Variants in CEP95 observed in about 807,000 individuals in gnomAD.
CEP95 encodes centrosomal protein of 95 kDa.
CEP95 carries 98 observed loss-of-function variants against 111.2 expected under a neutral mutation model. The observed-to-expected ratio is 0.88, with a 90% confidence interval of 0.75 to 1.04. The LOEUF is 1.04. Among genes scored for constraint, CEP95 ranks in the 50% least tolerant of loss-of-function variants. CEP95 has a pLI of 0.00. For missense variants in CEP95, 1,027 were observed against 977.2 expected (o/e 1.05, Z -0.68); for synonymous variants, 323 against 327.1 (o/e 0.99, Z 0.14).
chr17:64,511,072 G>T (rs1181414574), intron 3 of CEP95, among the ~76,000 whole-genome samples: 1 of 152,148 alleles, frequency 6.6e-6, no homozygotes, highest in African/African-American at 2.4e-5. Flanking sequence ...ATACGAATAG[G>T]TTGTGGGTCA....
chr17:64,530,555 C>G (rs1291575754), intron 12 of CEP95, among the ~76,000 whole-genome samples: 2 of 143,162 alleles, frequency 1.4e-5, no homozygotes, highest in Non-Finnish European at 3.0e-5. Flanking sequence ...GCCGCCCAGG[C>G]TGGAGTGCAA....
intron 2 of CEP95, among the ~76,000 whole-genome samples, chr17:64,509,089 T>C (rs2038752532): frequency 6.6e-6 from 1 of 152,214 alleles, no homozygotes; most frequent in African/African-American, 2.4e-5. Flanking sequence ...TCAAAGGTTG[T>C]AAAATTGAGT....
chr17:64,526,961 A>G (rs1967866532), intron 10 of CEP95, 150 bp from the exon 11 acceptor site: 3 of 556,802 alleles, frequency 5.4e-6, no homozygotes, highest in Middle Eastern at 5.1e-4. Context: ...TCCTGTCTCA[A>G]AATAAAAGTA....
At position 64,536,529 on chromosome 17, in the gene CEP95, C is replaced by G. The variant is rs1436637699; in HGVS notation, c.2071-73C>G. ...TAAAAAAAAAAAACCTTGGGAAATA[C>G]AATCAGTATATACCTCTAGTTGGCC... On this transcript the variant is annotated intron_variant, in intron 17 of 19. Transcript: ENST00000556440. 6.9e-6 allele frequency: 7 copies of G among 1,019,688 alleles called. No individual in the cohort carries two copies. The East Asian group carries it at 1.9e-4, about 28-fold the overall frequency. The allele number at this position is 1,019,688 out of a possible 1,614,324, so 63.2% of individuals were successfully genotyped here.
intron 1 of CEP95, 95 bp downstream of exon 1, chr17:64,507,211 C>T: frequency 6.5e-7 from 1 of 1,532,760 alleles, no homozygotes; most frequent in Non-Finnish European, 8.8e-7. Context: ...GGGCTGTCGG[C>T]GGGGCTCGTG....
At chr17:64,511,292 A>C (rs1016423062) in intron 3 of CEP95, among the ~76,000 whole-genome samples, 1 of 152,206 alleles carries the variant, frequency 6.6e-6, no homozygotes, top group Non-Finnish European at 1.5e-5. Context: ...CTTCCTAATA[A>C]GCCTGGGAGC....
intron 5 of CEP95, among the ~76,000 whole-genome samples, chr17:64,517,882 A>G (rs576243458): frequency 4.0e-4 from 59 of 148,802 alleles, no homozygotes; most frequent in Admixed American, 2.2e-3. Flanking sequence ...AAGTTGTTTA[A>G]TTTTTTTTTT....
chr17:64,525,676 C>G, intron 8 of CEP95, 94 bp from the exon 9 acceptor site: 6 of 753,206 alleles, frequency 8.0e-6, no homozygotes, highest in Non-Finnish European at 1.1e-5. Flanking sequence ...AGGCACGTAG[C>G]TTTGTGCCAC....
intron 7 of CEP95, 21 bp from the exon 8 acceptor site, chr17:64,522,681 C>T (rs781906429): frequency 6.3e-7 from 1 of 1,584,342 alleles, no homozygotes; most frequent in Non-Finnish European, 8.6e-7. Context: ...TCGTAATATC[C>T]ACTTTAATTT....
At chr17:64,529,793 A>G (rs1968132661) in intron 12 of CEP95, among the ~76,000 whole-genome samples, 3 of 152,164 alleles carry the variant, frequency 2.0e-5, no homozygotes, top group South Asian at 4.1e-4. Context: ...CAAGACAGGA[A>G]TGAGAGGAGG....
chr17:64,537,809 T>TCACCTA lies in CEP95; in HGVS notation c.*31_*32insACCTAC. ...AGACTTGATAATAGTAGGTGAAGGTTCTGGAGGCCTTTACCAGGACAGAGC... is the reference window on the plus strand; with the variant it reads ...AGACTTGATAATAGTAGGTGAAGGTTCACCTACTGGAGGCCTTTACCAGGACAGAGC... On this transcript the variant is annotated 3_prime_UTR_variant, in exon 20 of 20. Coordinates refer to ENST00000556440, the MANE Select transcript of CEP95 (RefSeq NM_138363.3). 1 of 1,440,194 alleles carries TCACCTA rather than the reference T, an allele frequency of 6.9e-7. No homozygotes were observed. Among genetic ancestry groups the TCACCTA allele is most frequent in the Non-Finnish European group, 9.4e-7 (1 of 1,064,390 alleles). 89.2% of individuals were successfully genotyped at this position (1,440,194 alleles called of 1,614,324 possible). A position where few individuals can be genotyped will look rare whatever the true frequency, so the allele number is the denominator to read the frequency against.
At chr17:64,509,720 T>C (rs1555674177) in intron 2 of CEP95, among the ~76,000 whole-genome samples, 1 of 151,782 alleles carries the variant, frequency 6.6e-6, no homozygotes, top group East Asian at 1.9e-4. Context: ...TGTGTATATA[T>C]AAGAACGCTC....
chr17:64,527,756 GTTC>G (rs1181265886), intron 11 of CEP95, among the ~76,000 whole-genome samples: 4 of 151,832 alleles, frequency 2.6e-5, no homozygotes, highest in Non-Finnish European at 5.9e-5. Context: ...GTGTAACTGA[GTTC>G]TTACAGTGTG....
chr17:64,534,737 G>T lies in CEP95; in HGVS notation c.2070G>T (p.Met690Ile). The T allele has an allele frequency of 1.9e-6, 3 of 1,610,098 alleles. No homozygotes were observed. Among genetic ancestry groups the T allele is most frequent in the Non-Finnish European group, 2.5e-6 (3 of 1,177,926 alleles). The change falls in exon 17 of 20, where the codon ATG becomes ATT. Residue 690 changes from methionine to isoleucine, a missense_variant and splice_region_variant. By Grantham distance (10) the Met-to-Ile change is conservative. Coordinates refer to ENST00000556440, the MANE Select transcript of CEP95 (RefSeq NM_138363.3). ...TGAGAATGAGGACCCGGGAAGAAATGGTAAGTCTGACTTTTCTGTCCAGCC... is the reference window on the plus strand; with the variant it reads ...TGAGAATGAGGACCCGGGAAGAAATTGTAAGTCTGACTTTTCTGTCCAGCC... Reference protein sequence around the residue: ...KMMRMRTREEMIFKKLFEEGL... With the variant: ...KMMRMRTREEIIFKKLFEEGL...
In CEP95 at chr17:64,537,383, G is replaced by A. The variant is rs189020532; in HGVS notation, c.2290-220G>A. ...GTAGAAAACCAAATGTATTATACCT[G>A]TAAAGGGAATGGAGAGAAGACTAAT... On this transcript the variant is annotated intron_variant, in intron 19 of 19. Transcript: ENST00000556440. 315 of 1,387,084 alleles carry A rather than the reference G, an allele frequency of 2.3e-4. No homozygotes were observed. The African/African-American group carries it at 4.2e-3, about 18-fold the overall frequency. 85.9% of individuals were successfully genotyped at this position (1,387,084 alleles called of 1,614,324 possible).
intron 1 of CEP95, chr17:64,507,780 A>G (rs1555673469): frequency 2.0e-6 from 2 of 985,468 alleles, no homozygotes; most frequent in East Asian, 1.1e-4. Context: ...CCAGAACGTT[A>G]CGTGTCCAGA....
intron 1 of CEP95, 149 bp from the exon 2 acceptor site, chr17:64,508,443 T>G: frequency 8.7e-7 from 1 of 1,154,240 alleles, no homozygotes; most frequent in Non-Finnish European, 1.1e-6. Context: ...CTAAAGGGTC[T>G]TTGAAATTCT....
Position 64,527,113 on chromosome 17 carries a change from G to A in CEP95, c.1155G>A (p.Met385Ile). Reference sequence around the variant, plus strand: ...GTTGAAAAGAATTTTCTCAATAGATGTTAAAAAGTGCTCTGGGTGATCGGA... The same window carrying A: ...GTTGAAAAGAATTTTCTCAATAGATATTAAAAAGTGCTCTGGGTGATCGGA... ...LSQRLSELDW[M>I]LKSALGDRIK... Residue 385 changes from methionine to isoleucine, a missense_variant and splice_region_variant, in exon 11 of 20, where the codon ATG (methionine) becomes ATA (isoleucine). Met to Ile is a conservative substitution (Grantham distance 10). Transcript: ENST00000556440. The A allele has an allele frequency of 6.2e-7, 1 of 1,610,542 alleles. No individual in the cohort carries two copies. Among genetic ancestry groups the A allele is most frequent in the Non-Finnish European group, 8.5e-7 (1 of 1,178,534 alleles).
intron 5 of CEP95, among the ~76,000 whole-genome samples, 156 bp downstream of exon 5, chr17:64,516,984 G>A (rs1966907214): frequency 6.6e-6 from 1 of 152,158 alleles, no homozygotes; most frequent in South Asian, 2.1e-4. Flanking sequence ...GGAGTTTTAA[G>A]AACCTTGAGT....
Sources: gnomAD v4.1 joint callset for allele counts (sites outside exome capture counted in the v4.1 genomes callset) on GRCh38, gnomAD v4.1.1 for gene constraint, MANE v1.5 for transcripts, NCBI Gene and HGNC (gene_info 2026-07-23, HGNC 2026-07-21) for gene names.